The following EIF4EBP2 variants were observed in gnomAD, a reference collection of about 807,000 sequenced individuals.
The protein encoded by EIF4EBP2 is eukaryotic translation initiation factor 4E-binding protein 2.
In EIF4EBP2, 5 loss-of-function variants were observed where a neutral mutation model predicts 10.3. The ratio of observed to expected loss-of-function variants is 0.48; its 90% CI spans 0.25 to 1.02. The LOEUF (loss-of-function observed/expected upper bound fraction) is 1.02. EIF4EBP2 is among the 50% of genes least tolerant of loss of function. EIF4EBP2 has a pLI of 0.15. For synonymous variants in EIF4EBP2, 67 were observed against 61.1 expected (o/e 1.10, Z -0.45); for missense variants, 188 against 162.2 (o/e 1.16, Z -0.86).
In EIF4EBP2 at chr10:70,410,997, T is replaced by A. The variant is rs570087240; in HGVS notation, c.145+6451T>A. The stretch of plus-strand genomic sequence containing the variant: ...TTTGTATGTATGTATTTATAAGATA[T>A]TTTGTAAGCATCTTTTTTCTTAGTT... On this transcript the variant is annotated intron_variant, in intron 1 of 2. Transcript: ENST00000373218. Among the ~76,000 whole-genome samples the A allele has an allele frequency of 2.6e-5, 4 of 152,380 alleles. No individual in the cohort carries two copies. In the South Asian group the frequency reaches 8.3e-4, roughly 32 times the overall value.
At chr10:70,413,206 T>C (rs146418435) in intron 1 of EIF4EBP2, among the ~76,000 whole-genome samples, 43 of 152,334 alleles carry the variant, frequency 2.8e-4, no homozygotes, top group Non-Finnish European at 5.6e-4. Flanking sequence ...CTAGTAGTTA[T>C]CTTTAAAGCT....
At chr10:70,408,937 C>T (rs1166953687) in intron 1 of EIF4EBP2, among the ~76,000 whole-genome samples, 1 of 152,134 alleles carries the variant, frequency 6.6e-6, no homozygotes, top group Non-Finnish European at 1.5e-5. Context: ...TTAACATTTC[C>T]TGCCTCAAAC....
At chr10:70,409,332 G>T (rs1845017566) in intron 1 of EIF4EBP2, among the ~76,000 whole-genome samples, 1 of 152,132 alleles carries the variant, frequency 6.6e-6, no homozygotes, top group Admixed American at 6.6e-5. Context: ...GCCTGTGGAG[G>T]AGTGGGGATG....
chr10:70,413,760 TTC>T (rs1217756539), intron 1 of EIF4EBP2, among the ~76,000 whole-genome samples: 1 of 152,202 alleles, frequency 6.6e-6, no homozygotes, highest in African/African-American at 2.4e-5. Flanking sequence ...TTTCATAACT[TTC>T]CAATATAAGA....
intron 2 of EIF4EBP2, among the ~76,000 whole-genome samples, chr10:70,421,478 A>T (rs868220235): frequency 1.3e-5 from 2 of 152,218 alleles, no homozygotes; most frequent in Non-Finnish European, 2.9e-5. Flanking sequence ...CAAAGGGACA[A>T]TGGGGATGTT....
intron 1 of EIF4EBP2, among the ~76,000 whole-genome samples, chr10:70,413,752 T>C (rs1845066692): frequency 6.6e-6 from 1 of 152,232 alleles, no homozygotes; most frequent in African/African-American, 2.4e-5. Context: ...TGATTTTTTT[T>C]CATAACTTTC....
At chr10:70,416,511 G>A (rs1311759525) in intron 1 of EIF4EBP2, among the ~76,000 whole-genome samples, 3 of 150,668 alleles carry the variant, frequency 2.0e-5, no homozygotes, top group Non-Finnish European at 3.0e-5. Flanking sequence ...CCCAGGAGGC[G>A]GAGGTTGCAG....
intron 1 of EIF4EBP2, among the ~76,000 whole-genome samples, chr10:70,411,882 T>A (rs1221665328): frequency 1.3e-5 from 2 of 152,204 alleles, no homozygotes; most frequent in African/African-American, 4.8e-5. Flanking sequence ...TTTTTTACCC[T>A]TTTTGGTCAA....
At position 70,426,965 on chromosome 10, in the gene EIF4EBP2, C is replaced by T. The variant is rs970885027; in HGVS notation, c.*5218C>T. 1.3e-5 allele frequency: 2 copies of T among 152,280 alleles called. No homozygotes were observed. The highest frequency in any genetic ancestry group is 2.9e-5 in the Non-Finnish European group (2 of 68,040). 9.4% of individuals were successfully genotyped at this position (152,280 alleles called of 1,614,324 possible). On this transcript the variant is annotated 3_prime_UTR_variant, in exon 3 of 3. Coordinates refer to ENST00000373218, the MANE Select transcript of EIF4EBP2 (RefSeq NM_004096.5). ...ATAGAGGAACTGCTTCGAATCAAGG[C>T]AACTGGTGAAGGGCTTAGCATGTTG...
At chr10:70,409,864 G>C (rs1230755185) in intron 1 of EIF4EBP2, among the ~76,000 whole-genome samples, 1 of 152,184 alleles carries the variant, frequency 6.6e-6, no homozygotes. Flanking sequence ...GGAACTAACT[G>C]TGATGGTCTG....
chr10:70,406,590 C>T (rs567338164), intron 1 of EIF4EBP2, among the ~76,000 whole-genome samples: 59 of 150,894 alleles, frequency 3.9e-4, no homozygotes, highest in Non-Finnish European at 7.5e-4. Flanking sequence ...GTCAAATAGT[C>T]AAGCTACCAT....
chr10:70,416,593 AAAC>A (rs1489810994), intron 1 of EIF4EBP2, among the ~76,000 whole-genome samples: 9 of 150,576 alleles, frequency 6.0e-5, no homozygotes, highest in African/African-American at 2.0e-4. Flanking sequence ...AAAAAAAAAA[AAAC>A]CAGGCAATTT....
chr10:70,418,779 G>C (rs912000787), intron 1 of EIF4EBP2, among the ~76,000 whole-genome samples: 1 of 152,120 alleles, frequency 6.6e-6, no homozygotes, highest in Non-Finnish European at 1.5e-5. Flanking sequence ...AAGCAAAGAG[G>C]TTGAAGGTAA....
Position 70,407,116 on chromosome 10 carries a change from C to CTT in EIF4EBP2, c.145+2580_145+2581dup, listed in dbSNP as rs35260368. On this transcript the variant is annotated intron_variant, in intron 1 of 2. Coordinates refer to ENST00000373218, the MANE Select transcript of EIF4EBP2 (RefSeq NM_004096.5). ...GTTTCACCATGTTAGCCAGGATGGTCTTTTTTTTTTTGTTGTTGTTGATCA... is the reference window on the plus strand; with the variant it reads ...GTTTCACCATGTTAGCCAGGATGGTCTTTTTTTTTTTTTGTTGTTGTTGATCA... Among the ~76,000 whole-genome samples, 1,226 of 136,752 alleles carry CTT rather than the reference C, an allele frequency of 9.0e-3. 29 individuals are homozygous for CTT. The highest frequency in any genetic ancestry group is 0.03 in the African/African-American group (1,099 of 37,214). The allele number at this position is 136,752 out of a possible 152,430, so 89.7% of individuals were successfully genotyped here.
intron 1 of EIF4EBP2, among the ~76,000 whole-genome samples, chr10:70,409,375 G>C (rs1455849949): frequency 6.6e-6 from 1 of 152,052 alleles, no homozygotes; most frequent in African/African-American, 2.4e-5. Flanking sequence ...AGCTACCTCT[G>C]CCCTCAAAGG....
intron 1 of EIF4EBP2, among the ~76,000 whole-genome samples, chr10:70,410,227 G>A (rs888361512): frequency 9.9e-5 from 15 of 152,056 alleles, no homozygotes; most frequent in East Asian, 3.9e-4. Context: ...CCACCACCAC[G>A]CGTGGCTGAT....
At position 70,424,188 on chromosome 10, in the gene EIF4EBP2, T is replaced by A. The variant is rs371154115; in HGVS notation, c.*2441T>A. The A allele has an allele frequency of 8.5e-5, 13 of 152,330 alleles. No homozygotes were observed. The South Asian group carries it at 2.5e-3, about 29-fold the overall frequency. The allele number at this position is 152,330 out of a possible 1,614,324, so 9.4% of individuals were successfully genotyped here. On this transcript the variant is annotated 3_prime_UTR_variant, in exon 3 of 3. Transcript: ENST00000373218. ...GGATTTAAAGCATGAGCTTTAGTAG[T>A]ATCAAGATGCCATTTTCCTTTTTCT...
intron 1 of EIF4EBP2, among the ~76,000 whole-genome samples, chr10:70,410,521 C>G (rs1275369472): frequency 6.6e-6 from 1 of 152,214 alleles, no homozygotes; most frequent in East Asian, 1.9e-4. Context: ...TGCCATAGAG[C>G]TTTTCAGGAG....
At chr10:70,404,918 A>G (rs889331216) in intron 1 of EIF4EBP2, among the ~76,000 whole-genome samples, 2 of 152,198 alleles carry the variant, frequency 1.3e-5, no homozygotes, top group African/African-American at 4.8e-5. Context: ...TGTGCAAATT[A>G]ATGCTTGATT....
Sources: gnomAD v4.1 joint callset for allele counts (sites outside exome capture counted in the v4.1 genomes callset) on GRCh38, gnomAD v4.1.1 for gene constraint, MANE v1.5 for transcripts, NCBI Gene and HGNC (gene_info 2026-07-23, HGNC 2026-07-21) for gene names.